BROX: variants seen among roughly 807,000 people sequenced by gnomAD.
BROX encodes the protein BRO1 domain-containing protein BROX.
In BROX, 53 loss-of-function variants were observed where a neutral mutation model predicts 61.0. That is an observed-to-expected ratio of 0.87 (90% CI 0.70 to 1.09). The LOEUF is 1.09. BROX is among the 50% of genes least tolerant of loss of function. The probability of loss-of-function intolerance (pLI) is 0.00; values close to 1 mark genes in which losing one functional copy is unlikely to be tolerated. For synonymous variants in BROX, 152 were observed against 160.2 expected (o/e 0.95, Z 0.38); for missense variants, 489 against 472.0 (o/e 1.04, Z -0.33).
intron 3 of BROX, 21 bp downstream of exon 3, chr1:222,719,052 T>G (rs1656861335): frequency 6.3e-7 from 1 of 1,576,540 alleles, no homozygotes; most frequent in East Asian, 2.2e-5. Flanking sequence ...TATATGAACT[T>G]GAGGTTTTTT....
rs541684078 is a variant in BROX at position 222,717,819 on chromosome 1, C to G, written c.102-1106C>G. 5 of 152,296 alleles carry G rather than the reference C, an allele frequency of 3.3e-5. No individual in the cohort carries two copies. The South Asian group carries it at 1.0e-3, about 32-fold the overall frequency. The allele number at this position is 152,296 out of a possible 1,614,324, so 9.4% of individuals were successfully genotyped here. A position where few individuals can be genotyped will look rare whatever the true frequency, so the allele number is the denominator to read the frequency against. On this transcript the variant is annotated intron_variant, in intron 2 of 12. Coordinates refer to ENST00000340934, the MANE Select transcript of BROX (RefSeq NM_144695.4). The stretch of plus-strand genomic sequence containing the variant: ...AAATATTTGAAAAGTTATTCTTTTT[C>G]CACTCAACAAGTAATTTTGAATATG...
At chr1:222,727,132 TTAATTA>T in intron 7 of BROX, 30 bp from the exon 8 acceptor site, 1 of 1,383,882 alleles carries the variant, frequency 7.2e-7, no homozygotes, top group Non-Finnish European at 1.0e-6. Context: ...TAAAGTGAGC[TTAATTA>T]TAGATTCACT....
chr1:222,721,866 T>A (rs1657121044), intron 4 of BROX, among the ~76,000 whole-genome samples: 1 of 152,102 alleles, frequency 6.6e-6, no homozygotes, highest in Admixed American at 6.5e-5. Context: ...ACCAGAAAAT[T>A]TTTTATACTC....
At chr1:222,713,658 C>T (rs1473876242) in intron 1 of BROX, 1 of 155,474 alleles carries the variant, frequency 6.4e-6, no homozygotes. Flanking sequence ...AAACCCTCTT[C>T]TTTCCTGAAG....
intron 1 of BROX, among the ~76,000 whole-genome samples, chr1:222,714,984 A>G (rs1656473492): frequency 6.6e-6 from 1 of 152,248 alleles, no homozygotes; most frequent in Admixed American, 6.5e-5. Context: ...TTTATTGTAG[A>G]ACACATGCTA....
rs1248170623 is a variant in BROX at position 222,733,853 on chromosome 1, G to A, written c.*1139G>A. On this transcript the variant is annotated 3_prime_UTR_variant, in exon 13 of 13. Transcript: ENST00000340934. ...TTTTTGAAGTCAAATATTGCATGAT[G>A]TAAAGAAAAAACTTTAAACTTAAAT... The A allele has an allele frequency of 2.6e-5, 4 of 152,174 alleles. No individual in the cohort carries two copies. Among genetic ancestry groups the A allele is most frequent in the East Asian group, 3.8e-4 (2 of 5,200 alleles). 9.4% of individuals were successfully genotyped at this position (152,174 alleles called of 1,614,324 possible).
chr1:222,720,179 G>C (rs1052660724), intron 4 of BROX, among the ~76,000 whole-genome samples: 1 of 152,184 alleles, frequency 6.6e-6, no homozygotes, highest in African/African-American at 2.4e-5. Flanking sequence ...GCTACAGATA[G>C]AGTACTTTGT....
At chr1:222,729,206 G>A (rs1657746919) in intron 9 of BROX, among the ~76,000 whole-genome samples, 1 of 152,066 alleles carries the variant, frequency 6.6e-6, no homozygotes, top group Admixed American at 6.5e-5. Context: ...CATCATTTTG[G>A]AAGTTACGTA....
intron 1 of BROX, chr1:222,713,428 T>TG: frequency 2.0e-6 from 2 of 980,694 alleles, no homozygotes; most frequent in Non-Finnish European, 2.4e-6. Flanking sequence ...TAGGTTCCTC[T>TG]GGGGACTCGG....
chr1:222,732,572 T>G, intron 12 of BROX, 56 bp from the exon 13 acceptor site: 1 of 1,224,522 alleles, frequency 8.2e-7, no homozygotes, highest in South Asian at 1.3e-5. Context: ...AAAGATTTAG[T>G]GTTTGTTTTC....
At chr1:222,727,292 T>A (rs1408789230) in intron 8 of BROX, 35 bp downstream of exon 8, 1 of 1,470,282 alleles carries the variant, frequency 6.8e-7, no homozygotes, top group African/African-American at 1.4e-5. Flanking sequence ...ATTTTTAGTC[T>A]TTAGATTTTC....
intron 1 of BROX, chr1:222,713,990 A>C (rs1199729469): frequency 6.6e-6 from 1 of 152,218 alleles, no homozygotes. Context: ...GAAGCACTTA[A>C]TGTAGGCATT....
rs1158337262 is a variant in BROX, at chr1:222,732,658, C to T, written c.1180C>T (p.Pro394Ser). Residue 394 changes from proline to serine, a missense_variant, in exon 13 of 13, where the codon CCT becomes TCT. By Grantham distance (74) the Pro-to-Ser change is moderately conservative. Coordinates refer to ENST00000340934, the MANE Select transcript of BROX (RefSeq NM_144695.4). ...ACCCAAACCAGAAGAAGAAGTGAAA[C>T]CTGTGAAAGAACCAGACATCAAACC... ...TKPKPEEEVK[P>S]VKEPDIKPQK... The T allele has an allele frequency of 3.7e-6, 6 of 1,613,364 alleles. No homozygotes were observed. In the Admixed American group the frequency reaches 5.0e-5, roughly 13 times the overall value.
intron 4 of BROX, among the ~76,000 whole-genome samples, chr1:222,721,893 G>T (rs922191785): frequency 2.0e-5 from 3 of 152,004 alleles, no homozygotes; most frequent in Non-Finnish European, 2.9e-5. Context: ...GGCTTTGATG[G>T]CATTGTTTCC....
intron 4 of BROX, 99 bp downstream of exon 4, chr1:222,719,458 G>C (rs1455378842): frequency 2.5e-6 from 2 of 786,792 alleles, no homozygotes; most frequent in Non-Finnish European, 4.2e-6. Context: ...GAAAAATACA[G>C]GTCTGCTCAG....
chr1:222,731,425 C>G lies in BROX; in HGVS notation c.1058C>G (p.Pro353Arg), dbSNP rs754437306. Reference protein sequence around the residue: ...ELKANYGLVEPIPFEFPPTSV... With the variant: ...ELKANYGLVERIPFEFPPTSV... ...AAAGCAAATTATGGTCTCGTAGAGC[C>G]TATACCTTTCGAATTTCCTCCTACA... The change falls in exon 12 of 13, where the codon CCT becomes CGT. Residue 353 changes from proline (P) to arginine (R), a missense_variant. Coordinates refer to ENST00000340934, the MANE Select transcript of BROX (RefSeq NM_144695.4). 4.4e-6 allele frequency: 7 copies of G among 1,602,846 alleles called. No homozygotes were observed. Among genetic ancestry groups the G allele is most frequent in the Non-Finnish European group, 5.9e-6 (7 of 1,177,228 alleles).
chr1:222,718,724 C>T (rs1387316867), intron 2 of BROX, among the ~76,000 whole-genome samples: 1 of 152,044 alleles, frequency 6.6e-6, no homozygotes, highest in Admixed American at 6.6e-5. Context: ...AGATTTAGTC[C>T]TGATTAAATT....
chr1:222,715,423 T>C (rs1049677900), intron 1 of BROX, among the ~76,000 whole-genome samples: 1 of 152,184 alleles, frequency 6.6e-6, no homozygotes, highest in African/African-American at 2.4e-5. Flanking sequence ...AAACATAACC[T>C]GAGGCCGGGC....
At chr1:222,721,746 A>G (rs908378913) in intron 4 of BROX, among the ~76,000 whole-genome samples, 7 of 152,162 alleles carry the variant, frequency 4.6e-5, no homozygotes, top group African/African-American at 1.7e-4. Flanking sequence ...CTGATTGGCT[A>G]GGCATTCAGA....
Sources: gnomAD v4.1 joint callset for allele counts (sites outside exome capture counted in the v4.1 genomes callset) on GRCh38, gnomAD v4.1.1 for gene constraint, MANE v1.5 for transcripts, NCBI Gene and HGNC (gene_info 2026-07-23, HGNC 2026-07-21) for gene names.